The following ZNF618 variants were observed in gnomAD, a reference collection of about 807,000 sequenced individuals.
ZNF618 encodes neural precursor cell expressed, developmentally down-regulated 10.
ZNF618 carries 34 observed loss-of-function variants against 103.0 expected under a neutral mutation model. The observed-to-expected ratio is 0.33, with a 90% CI of 0.25 to 0.44. The LOEUF (loss-of-function observed/expected upper bound fraction) is 0.44. Ranked by LOEUF, ZNF618 falls within the 20% of genes least tolerant of loss-of-function variation. The pLI is 1.00. For synonymous variants in ZNF618, 551 were observed against 542.2 expected, an observed-to-expected ratio of 1.02 and a Z score of -0.23; for missense variants, 1,059 against 1,295.4, an observed-to-expected ratio of 0.82 and a Z score of 2.80.
At chr9:113,974,667 C>T (rs1838319119) in intron 2 of ZNF618, among the ~76,000 whole-genome samples, 1 of 152,094 alleles carries the variant, frequency 6.6e-6, no homozygotes, top group South Asian at 2.1e-4. Flanking sequence ...AATGCACAGC[C>T]TCCTGTGTGT....
chr9:113,944,199 A>G (rs1344554238), intron 1 of ZNF618, among the ~76,000 whole-genome samples: 2 of 152,192 alleles, frequency 1.3e-5, no homozygotes, highest in Non-Finnish European at 2.9e-5. Context: ...CGAGCCCTTG[A>G]TGTGGGCTTT....
intron 2 of ZNF618, among the ~76,000 whole-genome samples, chr9:113,975,413 T>TA (rs1838382286): frequency 6.6e-6 from 1 of 152,256 alleles, no homozygotes; most frequent in African/African-American, 2.4e-5. Flanking sequence ...GCTGCATAAT[T>TA]ATTTATATCT....
rs191352075 is a variant in ZNF618 at position 113,968,907 on chromosome 9, C to T, written c.34-210C>T. Among the ~76,000 whole-genome samples the T allele has an allele frequency of 2.2e-4, 33 of 152,246 alleles. 1 individual carries two copies. The East Asian group carries it at 3.9e-3, about 18-fold the overall frequency. On this transcript the variant is annotated intron_variant, in intron 1 of 14. Transcript: ENST00000374126. ...TGGGTGCTCAGTGGGATTTAAAGGG[C>T]CAAGCAAATGGGGTTGCAGGGAGGT...
intron 1 of ZNF618, among the ~76,000 whole-genome samples, chr9:113,927,504 C>G (rs889415447): frequency 2.0e-5 from 3 of 152,250 alleles, no homozygotes; most frequent in Non-Finnish European, 4.4e-5. Flanking sequence ...AGAATCCTCT[C>G]ATTGGTTCTC....
Position 114,054,905 on chromosome 9 carries a change from C to T in ZNF618, c.*4738C>T, listed in dbSNP as rs1846365616. On this transcript the variant is annotated 3_prime_UTR_variant, in exon 15 of 15. Transcript: ENST00000374126. ...AATGAGGGTGAAGATTGTCAGGTCACTGTTTGACATATTCATGCCCCGTCC... is the reference window on the plus strand; with the variant it reads ...AATGAGGGTGAAGATTGTCAGGTCATTGTTTGACATATTCATGCCCCGTCC... 1 of 152,128 alleles carries T rather than the reference C, an allele frequency of 6.6e-6. No homozygotes were observed. Among genetic ancestry groups the T allele is most frequent in the Non-Finnish European group, 1.5e-5 (1 of 68,030 alleles). The allele number at this position is 152,128 out of a possible 1,614,324, so 9.4% of individuals were successfully genotyped here. A position where few individuals can be genotyped will look rare whatever the true frequency, so the allele number is the denominator to read the frequency against.
intron 1 of ZNF618, among the ~76,000 whole-genome samples, chr9:113,923,528 A>T (rs1036925070): frequency 6.6e-6 from 1 of 152,152 alleles, no homozygotes; most frequent in Non-Finnish European, 1.5e-5. Context: ...TTAAATGCAC[A>T]TCTATGATAT....
At chr9:114,018,279 C>T (rs13297916) in intron 10 of ZNF618, among the ~76,000 whole-genome samples, 47,462 of 152,158 alleles carry the variant, frequency 0.31, 7,641 homozygotes, top group Middle Eastern at 0.45. Flanking sequence ...TGCTGATGCC[C>T]AGGCAGCAGG....
At chr9:113,922,986 T>G (rs2131676909) in intron 1 of ZNF618, among the ~76,000 whole-genome samples, 1 of 152,220 alleles carries the variant, frequency 6.6e-6, no homozygotes, top group East Asian at 1.9e-4. Flanking sequence ...TTCATCAGAG[T>G]TTTGTAGTTT....
chr9:114,020,069 GGTT>G (rs1421945227), intron 10 of ZNF618, among the ~76,000 whole-genome samples: 1 of 152,112 alleles, frequency 6.6e-6, no homozygotes, highest in Non-Finnish European at 1.5e-5. Flanking sequence ...ACAGATACCT[GGTT>G]GTTACAACAT....
Position 113,925,761 on chromosome 9 carries a change from T to C in ZNF618, c.34-43356T>C, listed in dbSNP as rs149064029. The stretch of plus-strand genomic sequence containing the variant: ...AAGTAACACTTTGACGCTTCATGGT[T>C]AGTGCCACATATCTTATAACAGAGT... On this transcript the variant is annotated intron_variant, in intron 1 of 14. Transcript: ENST00000374126. 7.0e-4 allele frequency among the ~76,000 whole-genome samples: 106 copies of C among 152,268 alleles called. 2 individuals are homozygous for C. Among genetic ancestry groups the C allele is most frequent in the African/African-American group, 2.5e-3 (103 of 41,568 alleles).
chr9:113,981,357 A>C (rs1451252707), intron 2 of ZNF618, among the ~76,000 whole-genome samples: 1 of 152,154 alleles, frequency 6.6e-6, no homozygotes, highest in Non-Finnish European at 1.5e-5. Flanking sequence ...GTAAGGAGAC[A>C]CACATGTCTT....
intron 13 of ZNF618, among the ~76,000 whole-genome samples, chr9:114,039,943 G>T (rs576256305): frequency 4.6e-5 from 7 of 150,876 alleles, no homozygotes; most frequent in African/African-American, 1.7e-4. Flanking sequence ...ATGTGGGGGA[G>T]GGGGGAGGAC....
intron 1 of ZNF618, among the ~76,000 whole-genome samples, chr9:113,943,558 C>G (rs533305341): frequency 1.3e-5 from 2 of 151,404 alleles, no homozygotes; most frequent in South Asian, 4.2e-4. Context: ...GTTGCCATGG[C>G]AGAACACAGG....
At chr9:113,992,642 A>G (rs1174461839) in intron 3 of ZNF618, among the ~76,000 whole-genome samples, 2 of 151,960 alleles carry the variant, frequency 1.3e-5, no homozygotes, top group Non-Finnish European at 2.9e-5. Flanking sequence ...GTTGCTGAGT[A>G]GAAGAGTGTT....
At chr9:113,919,438 G>A (rs998772364) in intron 1 of ZNF618, among the ~76,000 whole-genome samples, 15 of 152,362 alleles carry the variant, frequency 9.8e-5, no homozygotes, top group Admixed American at 8.5e-4. Flanking sequence ...GAAAGCCTGT[G>A]ATAATCAGAT....
chr9:113,886,497 T>C (rs564706353), intron 1 of ZNF618, among the ~76,000 whole-genome samples: 21 of 152,328 alleles, frequency 1.4e-4, no homozygotes, highest in Non-Finnish European at 2.8e-4. Flanking sequence ...ATTTTTTTTT[T>C]CCTTAATTTC....
chr9:114,022,492 AT>A (rs1445957237), intron 10 of ZNF618, among the ~76,000 whole-genome samples: 23 of 149,416 alleles, frequency 1.5e-4, no homozygotes, highest in African/African-American at 5.4e-4. Flanking sequence ...ACTTAATTCC[AT>A]TGTGGTCAGA....
At chr9:114,012,634 A>G (rs1412213074) in intron 9 of ZNF618, among the ~76,000 whole-genome samples, 4 of 152,338 alleles carry the variant, frequency 2.6e-5, no homozygotes, top group African/African-American at 9.6e-5. Context: ...ACGAGGAAGG[A>G]TTTCAGGGAA....
At chr9:113,996,620 T>G (rs1281447951) in intron 3 of ZNF618, among the ~76,000 whole-genome samples, 3 of 152,074 alleles carry the variant, frequency 2.0e-5, no homozygotes, top group Non-Finnish European at 4.4e-5. Context: ...AGCTGTGAAC[T>G]CGGATTAGTT....
Sources: allele counts gnomAD v4.1 joint callset (sites outside exome capture counted in the v4.1 genomes callset), GRCh38; gene constraint gnomAD v4.1.1; transcripts MANE v1.5; gene names NCBI Gene and HGNC (gene_info 2026-07-23, HGNC 2026-07-21).